H2BC14: variants seen among roughly 807,000 people sequenced by gnomAD.
The protein encoded by H2BC14 is histone H2B type 1-M.
Under a neutral mutation model 6.3 loss-of-function variants are expected in H2BC14, and 17 were observed. That is an observed-to-expected ratio of 2.70 (90% CI 1.84 to 4.04). The LOEUF is 4.04. Ranked by LOEUF, H2BC14 falls within the 30% of genes most tolerant of loss-of-function variation. The pLI, the probability that H2BC14 is intolerant of heterozygous loss-of-function variation, is 0.00. For synonymous variants in H2BC14, 131 were observed against 69.0 expected (o/e 1.90, Z -4.45); for missense variants, 235 against 165.1 (o/e 1.42, Z -2.32).
At position 27,815,056 on chromosome 6, in the gene H2BC14, G is replaced by C. The variant is rs148246588; in HGVS notation, c.13G>C (p.Val5Leu). The C allele has an allele frequency of 6.2e-7, 1 of 1,610,522 alleles. No individual in the cohort carries two copies. The highest frequency in any genetic ancestry group is 8.5e-7 in the Non-Finnish European group (1 of 1,178,258). MPEP[V>L]KSAPVPKKGS... ...TTTGTTTTCCACCATGCCTGAACCA[G>C]TCAAATCTGCTCCAGTCCCTAAAAA... Residue 5 changes from valine (V) to leucine (L), a missense_variant, in exon 1 of 1, where the codon GTC becomes CTC. Val to Leu is a conservative substitution (Grantham distance 32). Coordinates refer to ENST00000621112, the MANE Select transcript of H2BC14 (RefSeq NM_003521.3).
rs148565959 is a variant in H2BC14 at position 27,815,184 on chromosome 6, G to A, written c.141G>A (p.Lys47=). 311 of 1,614,236 alleles carry A rather than the reference G, an allele frequency of 1.9e-4. No homozygotes were observed. In the African/African-American group the frequency reaches 3.5e-3, roughly 18 times the overall value. Residue 47 remains lysine (K), a synonymous_variant, in exon 1 of 1, where the codon AAG becomes AAA. Coordinates refer to ENST00000621112, the MANE Select transcript of H2BC14 (RefSeq NM_003521.3). The part of the protein sequence containing the change: ...SYSVYVYKVL[K]QVHPDTGISS... ...CTGTGTATGTGTACAAGGTGCTGAA[G>A]CAGGTCCACCCCGACACCGGCATCT...
Position 27,815,345 on chromosome 6 carries a change from T to TACTGCTACCCGGGGA in H2BC14, c.304_318dup (p.Leu103_Leu107dup), listed in dbSNP as rs772272896. On this transcript the variant is annotated inframe_insertion, in exon 1 of 1. Transcript: ENST00000621112. Reference sequence around the variant, plus strand: ...AGGGAGATCCAGACGGCCGTGCGCCTACTGCTACCCGGGGAATTGGCCAAG... The same window carrying TACTGCTACCCGGGGA: ...AGGGAGATCCAGACGGCCGTGCGCCTACTGCTACCCGGGGAACTGCTACCCGGGGAATTGGCCAAG... 2 of 1,614,172 alleles carry TACTGCTACCCGGGGA rather than the reference T, an allele frequency of 1.2e-6. No homozygotes were observed. The highest frequency in any genetic ancestry group is 2.2e-5 in the South Asian group (2 of 91,080).
chr6:27,815,115 G>T lies in H2BC14; in HGVS notation c.72G>T (p.Lys24Asn), dbSNP rs1206261824. 2 of 1,614,210 alleles carry T rather than the reference G, an allele frequency of 1.2e-6. No homozygotes were observed. The highest frequency in any genetic ancestry group is 3.3e-5 in the Admixed American group (2 of 60,028). ...AGAAGGCCATTAACAAGGCTCAGAA[G>T]AAGGATGGAAAGAAGCGCAAACGCA... ...GSKKAINKAQ[K>N]KDGKKRKRSR... Residue 24 changes from lysine to asparagine, a missense_variant, in exon 1 of 1, where the codon AAG (lysine) becomes AAT (asparagine). By Grantham distance (94) the Lys-to-Asn change is moderately conservative. Transcript: ENST00000621112.
rs1474071318 is a variant in H2BC14, at chr6:27,815,318, C to T, written c.275C>T (p.Ser92Leu). 3 of 1,614,232 alleles carry T rather than the reference C, an allele frequency of 1.9e-6. No individual in the cohort carries two copies. The highest frequency in any genetic ancestry group is 4.5e-5 in the East Asian group (2 of 44,874). ...AHYNKRSTIT[S>L]REIQTAVRLL... ...TACAACAAGCGCTCGACCATCACTTCGAGGGAGATCCAGACGGCCGTGCGC... is the reference window on the plus strand; with the variant it reads ...TACAACAAGCGCTCGACCATCACTTTGAGGGAGATCCAGACGGCCGTGCGC... Residue 92 changes from serine (S) to leucine (L), a missense_variant, in exon 1 of 1, where the codon TCG becomes TTG. Coordinates refer to ENST00000621112, the MANE Select transcript of H2BC14 (RefSeq NM_003521.3).
Position 27,815,172 on chromosome 6 carries a change from C to T in H2BC14, c.129C>T (p.Tyr43=), listed in dbSNP as rs762155887. The T allele has an allele frequency of 6.2e-7, 1 of 1,614,176 alleles. No homozygotes were observed. Among genetic ancestry groups the T allele is most frequent in the Admixed American group, 1.7e-5 (1 of 60,022 alleles). Reference sequence around the variant, plus strand: ...AGGAGAGCTACTCTGTGTATGTGTACAAGGTGCTGAAGCAGGTCCACCCCG... The same window carrying T: ...AGGAGAGCTACTCTGTGTATGTGTATAAGGTGCTGAAGCAGGTCCACCCCG... The part of the protein sequence containing the change: ...SRKESYSVYV[Y]KVLKQVHPDT... The change falls in exon 1 of 1, where the codon TAC becomes TAT. Residue 43 remains tyrosine (Y), a synonymous_variant. Transcript: ENST00000621112.
Position 27,815,305 on chromosome 6 carries a change from T to C in H2BC14, c.262T>C (p.Ser88Pro). Residue 88 changes from serine (S) to proline (P), a missense_variant, in exon 1 of 1, where the codon TCG (serine) becomes CCG (proline). Transcript: ENST00000621112. ...ASRLAHYNKR[S>P]TITSREIQTA... Reference sequence around the variant, plus strand: ...ACGCCTGGCGCATTACAACAAGCGCTCGACCATCACTTCGAGGGAGATCCA... The same window carrying C: ...ACGCCTGGCGCATTACAACAAGCGCCCGACCATCACTTCGAGGGAGATCCA... 1 of 1,614,166 alleles carries C rather than the reference T, an allele frequency of 6.2e-7. No individual in the cohort carries two copies. Among genetic ancestry groups the C allele is most frequent in the Non-Finnish European group, 8.5e-7 (1 of 1,180,038 alleles).
In H2BC14 at chr6:27,815,022, G is replaced by A. The variant is rs779173904; in HGVS notation, c.-22G>A. 15 of 1,570,696 alleles carry A rather than the reference G, an allele frequency of 9.5e-6. No individual in the cohort carries two copies. Among genetic ancestry groups the A allele is most frequent in the East Asian group, 4.5e-5 (2 of 44,676 alleles). On this transcript the variant is annotated 5_prime_UTR_variant, in exon 1 of 1. Transcript: ENST00000621112. The stretch of plus-strand genomic sequence containing the variant: ...AAGAGGACGAAACAGCCCTAAGGTT[G>A]TCTTTTATTTTGTTTTCCACCATGC...
chr6:27,815,447 C>T lies in H2BC14; in HGVS notation c.*23C>T, dbSNP rs762544360. 10 of 1,611,786 alleles carry T rather than the reference C, an allele frequency of 6.2e-6. No homozygotes were observed. The highest frequency in any genetic ancestry group is 2.7e-5 in the African/African-American group (2 of 74,796). ...TGAGCCTCTCGCTGCAGTAACAGTT[C>T]CGCCGTGACCCACACCCCAAAGGCT... On this transcript the variant is annotated 3_prime_UTR_variant, in exon 1 of 1. Coordinates refer to ENST00000621112, the MANE Select transcript of H2BC14 (RefSeq NM_003521.3).
In H2BC14 at chr6:27,815,323, G is replaced by C. The variant is rs771189479; in HGVS notation, c.280G>C (p.Glu94Gln). The C allele has an allele frequency of 1.9e-6, 3 of 1,614,128 alleles. No individual in the cohort carries two copies. In the African/African-American group the frequency reaches 4.0e-5, roughly 22 times the overall value. The change falls in exon 1 of 1, where the codon GAG (glutamate) becomes CAG (glutamine). Residue 94 changes from glutamate to glutamine, a missense_variant. Transcript: ENST00000621112. ...YNKRSTITSREIQTAVRLLLP... is the reference protein window; with the variant it reads ...YNKRSTITSRQIQTAVRLLLP... Reference sequence around the variant, plus strand: ...CAAGCGCTCGACCATCACTTCGAGGGAGATCCAGACGGCCGTGCGCCTACT... The same window carrying C: ...CAAGCGCTCGACCATCACTTCGAGGCAGATCCAGACGGCCGTGCGCCTACT...
rs757071128 is a variant in H2BC14, at chr6:27,815,406, G to C, written c.363G>C (p.Lys121Asn). Residue 121 changes from lysine (K) to asparagine (N), a missense_variant, in exon 1 of 1, where the codon AAG (lysine) becomes AAC (asparagine). By Grantham distance (94) the Lys-to-Asn change is moderately conservative (BLOSUM62 0). Transcript: ENST00000621112. ...AVSEGTKAVT[K>N]YTSSK ...CCGAGGGCACCAAGGCCGTCACCAA[G>C]TATACCAGCTCCAAGTGAGCCTCTC... The C allele has an allele frequency of 6.2e-7, 1 of 1,614,006 alleles. No homozygotes were observed. Among genetic ancestry groups the C allele is most frequent in the African/African-American group, 1.3e-5 (1 of 74,918 alleles).
Position 27,815,424 on chromosome 6 carries a change from A to G in H2BC14, c.381A>G (p.Ter127TrpextTer?), listed in dbSNP as rs749359290. Residue 127 changes from the stop codon to tryptophan, a stop_lost, in exon 1 of 1, where the codon TGA (stop) becomes TGG (tryptophan). Transcript: ENST00000621112. Reference protein sequence around the residue: ...KAVTKYTSSK* With the variant: ...KAVTKYTSSKW ...TCACCAAGTATACCAGCTCCAAGTG[A>G]GCCTCTCGCTGCAGTAACAGTTCCG... The G allele has an allele frequency of 6.8e-6, 11 of 1,613,958 alleles. No homozygotes were observed. Among genetic ancestry groups the G allele is most frequent in the Non-Finnish European group, 9.3e-6 (11 of 1,179,972 alleles).
In H2BC14 at chr6:27,815,216, A is replaced by T; in HGVS notation, c.173A>T (p.Lys58Met). 2.5e-6 allele frequency: 4 copies of T among 1,614,246 alleles called. No homozygotes were observed. The highest frequency in any genetic ancestry group is 3.4e-6 in the Non-Finnish European group (4 of 1,180,046). ...QVHPDTGISS[K>M]AMGIMNSFVN... The stretch of plus-strand genomic sequence containing the variant: ...CACCCCGACACCGGCATCTCTTCCA[A>T]GGCTATGGGAATCATGAACTCCTTC... The change falls in exon 1 of 1, where the codon AAG becomes ATG. Residue 58 changes from lysine (K) to methionine (M), a missense_variant. Coordinates refer to ENST00000621112, the MANE Select transcript of H2BC14 (RefSeq NM_003521.3).
In H2BC14 at chr6:27,815,230, A is replaced by G. The variant is rs773329137; in HGVS notation, c.187A>G (p.Met63Val). Reference sequence around the variant, plus strand: ...CATCTCTTCCAAGGCTATGGGAATCATGAACTCCTTCGTCAACGACATCTT... The same window carrying G: ...CATCTCTTCCAAGGCTATGGGAATCGTGAACTCCTTCGTCAACGACATCTT... ...TGISSKAMGI[M>V]NSFVNDIFER... Residue 63 changes from methionine (M) to valine (V), a missense_variant, in exon 1 of 1, where the codon ATG (methionine) becomes GTG (valine). Transcript: ENST00000621112. 3.7e-6 allele frequency: 6 copies of G among 1,614,256 alleles called. No individual in the cohort carries two copies. In the South Asian group the frequency reaches 5.5e-5, roughly 15 times the overall value.
rs746686090 is a variant in H2BC14 at position 27,815,156 on chromosome 6, A to T, written c.113A>T (p.Tyr38Phe). Reference sequence around the variant, plus strand: ...CGCAAACGCAGCCGCAAGGAGAGCTACTCTGTGTATGTGTACAAGGTGCTG... The same window carrying T: ...CGCAAACGCAGCCGCAAGGAGAGCTTCTCTGTGTATGTGTACAAGGTGCTG... ...KKRKRSRKESYSVYVYKVLKQ... is the reference protein window; with the variant it reads ...KKRKRSRKESFSVYVYKVLKQ... Residue 38 changes from tyrosine (Y) to phenylalanine (F), a missense_variant, in exon 1 of 1, where the codon TAC becomes TTC. By Grantham distance (22) the Tyr-to-Phe change is conservative (BLOSUM62 3). Transcript: ENST00000621112. The T allele has an allele frequency of 1.9e-6, 3 of 1,614,150 alleles. No individual in the cohort carries two copies. In the South Asian group the frequency reaches 3.3e-5, roughly 18 times the overall value.
Position 27,815,149 on chromosome 6 carries a change from G to C in H2BC14, c.106G>C (p.Glu36Gln), listed in dbSNP as rs1760642064. 2 of 1,614,074 alleles carry C rather than the reference G, an allele frequency of 1.2e-6. No homozygotes were observed. Among genetic ancestry groups the C allele is most frequent in the Non-Finnish European group, 1.7e-6 (2 of 1,180,040 alleles). The part of the protein sequence containing the change: ...DGKKRKRSRK[E>Q]SYSVYVYKVL... ...AAAGAAGCGCAAACGCAGCCGCAAG[G>C]AGAGCTACTCTGTGTATGTGTACAA... The change falls in exon 1 of 1, where the codon GAG becomes CAG. Residue 36 changes from glutamate to glutamine, a missense_variant. Transcript: ENST00000621112.
At position 27,815,120 on chromosome 6, in the gene H2BC14, A is replaced by T. The variant is rs147325799; in HGVS notation, c.77A>T (p.Asp26Val). ...KKAINKAQKK[D>V]GKKRKRSRKE... is the part of the protein sequence containing the mutation. The stretch of plus-strand genomic sequence containing the variant: ...GCCATTAACAAGGCTCAGAAGAAGG[A>T]TGGAAAGAAGCGCAAACGCAGCCGC... The change falls in exon 1 of 1, where the codon GAT (aspartate) becomes GTT (valine). Residue 26 changes from aspartate (D) to valine (V), a missense_variant. Physicochemically the swap from Asp to Val is radical, Grantham distance 152. Transcript: ENST00000621112. The T allele has an allele frequency of 2.8e-5, 46 of 1,614,248 alleles. No homozygotes were observed. In the African/African-American group the frequency reaches 4.8e-4, roughly 17 times the overall value.
At position 27,815,477 on chromosome 6, in the gene H2BC14, T is replaced by G; in HGVS notation, c.*53T>G. 6.3e-7 allele frequency: 1 copy of G among 1,587,300 alleles called. No individual in the cohort carries two copies. On this transcript the variant is annotated 3_prime_UTR_variant, in exon 1 of 1. Transcript: ENST00000621112. Reference sequence around the variant, plus strand: ...GTGACCCACACCCCAAAGGCTCTTTTCAGAGCCGTCCACGTTTCTCAAGAA... The same window carrying G: ...GTGACCCACACCCCAAAGGCTCTTTGCAGAGCCGTCCACGTTTCTCAAGAA...
rs775947141 is a variant in H2BC14, at chr6:27,815,108, C to A, written c.65C>A (p.Ala22Asp). The change falls in exon 1 of 1, where the codon GCT becomes GAT. Residue 22 changes from alanine to aspartate, a missense_variant. By Grantham distance (126) the Ala-to-Asp change is moderately radical. Transcript: ENST00000621112. ...KKGSKKAINK[A>D]QKKDGKKRKR... ...GGCTCCAAGAAGGCCATTAACAAGG[C>A]TCAGAAGAAGGATGGAAAGAAGCGC... 2 of 1,614,140 alleles carry A rather than the reference C, an allele frequency of 1.2e-6. No individual in the cohort carries two copies. Among genetic ancestry groups the A allele is most frequent in the South Asian group, 1.1e-5 (1 of 91,080 alleles).
rs762548716 is a variant in H2BC14, at chr6:27,815,024, CTTTTA to C, written c.-15_-11del. On this transcript the variant is annotated 5_prime_UTR_variant, in exon 1 of 1. Coordinates refer to ENST00000621112, the MANE Select transcript of H2BC14 (RefSeq NM_003521.3). ...GAGGACGAAACAGCCCTAAGGTTGT[CTTTTA>C]TTTTGTTTTCCACCATGCCTGAACC... 17 of 1,571,624 alleles carry C rather than the reference CTTTTA, an allele frequency of 1.1e-5. No homozygotes were observed. Among genetic ancestry groups the C allele is most frequent in the Non-Finnish European group, 1.3e-5 (15 of 1,163,572 alleles).
Sources: gnomAD v4.1 joint callset for allele counts on GRCh38, gnomAD v4.1.1 for gene constraint, MANE v1.5 for transcripts, NCBI Gene and HGNC (gene_info 2026-07-23, HGNC 2026-07-21) for gene names.